Variants in MYOM3 observed in about 807,000 individuals in gnomAD.
MYOM3 encodes the protein myomesin-3.
In MYOM3, 155 loss-of-function variants were observed where a neutral mutation model predicts 191.7. The observed-to-expected ratio is 0.81, with a 90% CI of 0.71 to 0.92. The LOEUF (loss-of-function observed/expected upper bound fraction) is 0.92, where lower values mean the gene tolerates loss of function less well. Ranked by LOEUF, MYOM3 falls within the 40% of genes least tolerant of loss-of-function variation. MYOM3 has a pLI of 0.00. For missense variants in MYOM3, 1,889 were observed against 1,890.6 expected (o/e 1.00, Z 0.02); for synonymous variants, 757 against 762.9 (o/e 0.99, Z 0.13).
chr1:24,110,647 G>T (rs1484070320), intron 1 of MYOM3, among the ~76,000 whole-genome samples: 3 of 152,140 alleles, frequency 2.0e-5, no homozygotes, highest in East Asian at 1.9e-4. Context: ...TGGCTGCAGG[G>T]TTAGCTGGGA....
At chr1:24,107,297 T>G in intron 3 of MYOM3, 65 bp from the exon 4 acceptor site, 2 of 1,399,786 alleles carry the variant, frequency 1.4e-6, no homozygotes, top group Non-Finnish European at 1.9e-6. Flanking sequence ...TCCTGGCCAG[T>G]TCCATTCCCT....
At chr1:24,068,396 T>A (rs1643480704) in intron 25 of MYOM3, 29 bp from the exon 26 acceptor site, 2 of 1,613,634 alleles carry the variant, frequency 1.2e-6, no homozygotes, top group Non-Finnish European at 1.7e-6. Context: ...AGAGTCCTTT[T>A]CCCTGTTCTG....
At position 24,080,000 on chromosome 1, in the gene MYOM3, A is replaced by C. The variant is rs1643646680; in HGVS notation, c.2586+16T>G. ...AGGCTCAGGGCCAGTCAGAAGATGA[A>C]GGCATAAGAACTTACCCTCAGGTGG... On this transcript the variant is annotated intron_variant, in intron 20 of 36. Coordinates refer to ENST00000374434, the MANE Select transcript of MYOM3 (RefSeq NM_152372.4). 1.3e-6 allele frequency: 2 copies of C among 1,594,916 alleles called. No individual in the cohort carries two copies. Among genetic ancestry groups the C allele is most frequent in the South Asian group, 1.1e-5 (1 of 87,710 alleles).
rs1214074217 is a variant in MYOM3, at chr1:24,063,310, C to T, written c.3662-76G>A. On this transcript the variant is annotated intron_variant, in intron 31 of 36. Transcript: ENST00000374434. The surrounding 1 kb of genome is among the most constrained non-coding windows in gnomAD (Gnocchi z 4.5). ...CAGATTTTGGGGCCGGCTTGTCTGC[C>T]TCTGCCCTGGGGGGCAGGTGCTGTG... The T allele has an allele frequency of 4.4e-5, 63 of 1,425,532 alleles. 1 individual carries two copies. Among genetic ancestry groups the T allele is most frequent in the Admixed American group, 1.0e-4 (6 of 58,682 alleles). 88.3% of individuals were successfully genotyped at this position (1,425,532 alleles called of 1,614,324 possible). A position where few individuals can be genotyped will look rare whatever the true frequency, so the allele number is the denominator to read the frequency against.
intron 12 of MYOM3, 93 bp from the exon 13 acceptor site, chr1:24,090,211 TC>T: frequency 9.5e-7 from 1 of 1,050,148 alleles, no homozygotes; most frequent in Non-Finnish European, 1.5e-6. Flanking sequence ...TCCTGCCCCG[TC>T]CCAGTCCTGG....
intron 13 of MYOM3, 103 bp from the exon 14 acceptor site, chr1:24,089,768 C>G: frequency 7.4e-7 from 1 of 1,353,224 alleles, no homozygotes; most frequent in Non-Finnish European, 1.0e-6. Context: ...CTACCCATCC[C>G]CCAGAGAGGG....
In MYOM3 at chr1:24,093,242, G is replaced by T. The variant is rs1031807276; in HGVS notation, c.929-134C>A. 15 of 638,136 alleles carry T rather than the reference G, an allele frequency of 2.4e-5. No individual in the cohort carries two copies. The Admixed American group carries it at 4.3e-4, about 18-fold the overall frequency. 39.5% of individuals were successfully genotyped at this position (638,136 alleles called of 1,614,324 possible). A position where few individuals can be genotyped will look rare whatever the true frequency, so the allele number is the denominator to read the frequency against. ...TGGTGAGGCTCAGCTCAGGCCTTGG[G>T]TGGGGGTGGTGGCCTCCAGGGCTTT... On this transcript the variant is annotated intron_variant, in intron 9 of 36. Coordinates refer to ENST00000374434, the MANE Select transcript of MYOM3 (RefSeq NM_152372.4).
At position 24,077,477 on chromosome 1, in the gene MYOM3, C is replaced by T. The variant is rs376594872; in HGVS notation, c.2587-1204G>A. Reference sequence around the variant, plus strand: ...TCCCTGCCTTTGCCCTTGCTGAGTGCGCTGCCTGGAATGCCGTCCCGCCTC... The same window carrying T: ...TCCCTGCCTTTGCCCTTGCTGAGTGTGCTGCCTGGAATGCCGTCCCGCCTC... On this transcript the variant is annotated intron_variant, in intron 20 of 36. Coordinates refer to ENST00000374434, the MANE Select transcript of MYOM3 (RefSeq NM_152372.4). Among the ~76,000 whole-genome samples, 15 of 152,160 alleles carry T rather than the reference C, an allele frequency of 9.9e-5. No individual in the cohort carries two copies. In the East Asian group the frequency reaches 1.5e-3, roughly 16 times the overall value.
chr1:24,110,564 A>G (rs1273134954), intron 1 of MYOM3, among the ~76,000 whole-genome samples: 2 of 151,770 alleles, frequency 1.3e-5, no homozygotes, highest in African/African-American at 4.8e-5. Context: ...GTGGGCTTTT[A>G]CCCCTTCTAC....
rs1412571259 is a variant in MYOM3, at chr1:24,064,170, G to A, written c.3535-11C>T. The A allele has an allele frequency of 4.3e-6, 7 of 1,609,594 alleles. No individual in the cohort carries two copies. The South Asian group carries it at 7.7e-5, about 18-fold the overall frequency. On this transcript the variant is annotated splice_polypyrimidine_tract_variant and intron_variant, in intron 29 of 36. Transcript: ENST00000374434. ...GTCCTTTTTGGACAACTGGAAAGAA[G>A]GATGAGCGATGGTGGTGTCAGCATG...
chr1:24,102,452 C>T (rs547424939), intron 5 of MYOM3, among the ~76,000 whole-genome samples: 24 of 152,160 alleles, frequency 1.6e-4, no homozygotes, highest in Non-Finnish European at 3.1e-4. Context: ...GAGACCTCAA[C>T]GCTCACCCCT....
Position 24,057,067 on chromosome 1 carries a change from G to A in MYOM3, c.*297C>T, listed in dbSNP as rs113121256. ...GGTGGGAGCTGCAGTGTTTAGCAGC[G>A]TACCTGACCTCTACCTATCAGATGC... On this transcript the variant is annotated 3_prime_UTR_variant, in exon 37 of 37. Coordinates refer to ENST00000374434, the MANE Select transcript of MYOM3 (RefSeq NM_152372.4). 54 of 420,522 alleles carry A rather than the reference G, an allele frequency of 1.3e-4. No individual in the cohort carries two copies. Among genetic ancestry groups the A allele is most frequent in the Middle Eastern group, 6.6e-4 (1 of 1,508 alleles). The allele number at this position is 420,522 out of a possible 1,614,324, so 26.0% of individuals were successfully genotyped here. A position where few individuals can be genotyped will look rare whatever the true frequency, so the allele number is the denominator to read the frequency against.
rs893292187 is a variant in MYOM3 at position 24,082,346 on chromosome 1, G to A, written c.2093-158C>T. Reference sequence around the variant, plus strand: ...AGTATCTGTGCCTCAGGAGGGCATCGGAGCCTCAGGTTTCTGGGTCTGAGG... The same window carrying A: ...AGTATCTGTGCCTCAGGAGGGCATCAGAGCCTCAGGTTTCTGGGTCTGAGG... On this transcript the variant is annotated intron_variant, in intron 17 of 36. Coordinates refer to ENST00000374434, the MANE Select transcript of MYOM3 (RefSeq NM_152372.4). 3.5e-5 allele frequency: 30 copies of A among 864,720 alleles called. No individual in the cohort carries two copies. In the Admixed American group the frequency reaches 4.3e-4, roughly 12 times the overall value. The allele number at this position is 864,720 out of a possible 1,614,324, so 53.6% of individuals were successfully genotyped here.
intron 9 of MYOM3, among the ~76,000 whole-genome samples, chr1:24,093,331 C>T (rs1001516004): frequency 7.4e-4 from 112 of 151,930 alleles, no homozygotes; most frequent in African/African-American, 2.4e-3. Context: ...AGGGCCAGTG[C>T]GGGGCTGGGG....
chr1:24,085,894 T>C (rs1185116675), intron 15 of MYOM3, among the ~76,000 whole-genome samples: 1 of 152,220 alleles, frequency 6.6e-6, no homozygotes, highest in Non-Finnish European at 1.5e-5. Flanking sequence ...AGAACAAATC[T>C]AGAACTTTGA....
chr1:24,075,335 C>T lies in MYOM3; in HGVS notation c.2842G>A (p.Glu948Lys), dbSNP rs752956311. Residue 948 changes from glutamate (E) to lysine (K), a missense_variant, in exon 22 of 37, where the codon GAG becomes AAG. By Grantham distance (56) the Glu-to-Lys change is moderately conservative (BLOSUM62 1). Transcript: ENST00000374434. The part of the protein sequence containing the change: ...GPLDPQRVKI[E>K]DKVNKSKVIL... ...CTCACTTACTTGTTAACTTTATCCTCGATCTTGACCCTCTGGGGGTCCAGT... is the reference window on the plus strand; with the variant it reads ...CTCACTTACTTGTTAACTTTATCCTTGATCTTGACCCTCTGGGGGTCCAGT... 11 of 1,612,332 alleles carry T rather than the reference C, an allele frequency of 6.8e-6. No individual in the cohort carries two copies. The highest frequency in any genetic ancestry group is 6.7e-5 in the East Asian group (3 of 44,892).
intron 17 of MYOM3, 105 bp from the exon 18 acceptor site, chr1:24,082,293 TA>T: frequency 9.1e-7 from 1 of 1,095,018 alleles, no homozygotes; most frequent in Non-Finnish European, 1.3e-6. Flanking sequence ...GTGCCTGCCC[TA>T]CTCCAGGGGT....
chr1:24,066,816 G>A (rs960700286), intron 28 of MYOM3: 16 of 541,340 alleles, frequency 3.0e-5, no homozygotes, highest in African/African-American at 2.3e-4. Flanking sequence ...CACCTCACAC[G>A]AATCCTACCC....
chr1:24,062,864 C>T (rs1643387006), intron 32 of MYOM3, among the ~76,000 whole-genome samples: 1 of 152,216 alleles, frequency 6.6e-6, no homozygotes, highest in South Asian at 2.1e-4. Context: ...AAAATGTTGT[C>T]CCGCCAAGGT....
Sources: gnomAD v4.1 joint callset for allele counts (sites outside exome capture counted in the v4.1 genomes callset) on GRCh38, gnomAD v4.1.1 for gene constraint, Gnocchi (gnomAD v3.1) non-coding constraint, MANE v1.5 for transcripts, NCBI Gene and HGNC (gene_info 2026-07-23, HGNC 2026-07-21) for gene names.